CLGN: variants seen among roughly 807,000 people sequenced by gnomAD.
CLGN encodes calmegin.
CLGN carries 62 observed loss-of-function variants against 79.1 expected under a neutral mutation model. The ratio of observed to expected loss-of-function variants is 0.78; its 90% confidence interval spans 0.64 to 0.97. CLGN has a LOEUF of 0.97. Among genes scored for constraint, CLGN ranks in the 50% least tolerant of loss-of-function variants. The pLI, the probability that CLGN is intolerant of heterozygous loss-of-function variation, is 0.00. For missense variants in CLGN, 647 were observed against 715.5 expected (o/e 0.90, Z 1.09); for synonymous variants, 225 against 224.7 (o/e 1.00, Z -0.01).
intron 4 of CLGN, among the ~76,000 whole-genome samples, chr4:140,407,014 T>C (rs1398251395): frequency 1.3e-5 from 2 of 152,166 alleles, no homozygotes; most frequent in Non-Finnish European, 2.9e-5. Flanking sequence ...ATATCATTTT[T>C]TTTCTTTCTA....
In CLGN at chr4:140,394,048, G is replaced by T; in HGVS notation, c.1150-7C>A. 6.3e-7 allele frequency: 1 copy of T among 1,585,234 alleles called. No individual in the cohort carries two copies. The highest frequency in any genetic ancestry group is 1.7e-5 in the Admixed American group (1 of 58,968). On this transcript the variant is annotated splice_polypyrimidine_tract_variant and splice_region_variant and intron_variant, in intron 10 of 14. Transcript: ENST00000325617. ...TTCGAGGACTCCAGATTCCCTGGAA[G>T]AAAAGTAATTGAAGACATTTTCAAA...
At chr4:140,410,464 G>A (rs1729188894) in intron 3 of CLGN, 89 bp downstream of exon 3, 5 of 837,948 alleles carry the variant, frequency 6.0e-6, no homozygotes, top group African/African-American at 1.7e-5. Flanking sequence ...TTATAGATCT[G>A]TAGTAGAGAT....
At chr4:140,397,579 C>T (rs1170341452) in intron 8 of CLGN, among the ~76,000 whole-genome samples, 1 of 151,780 alleles carries the variant, frequency 6.6e-6, no homozygotes, top group Non-Finnish European at 1.5e-5. Flanking sequence ...ATTTTTAAAA[C>T]TCTCCTTATT....
rs536861220 is a variant in CLGN at position 140,398,668 on chromosome 4, TA to T, written c.884+182del. ...AATGCAACATAATTATCAATAGAAA[TA>T]AAAAAAAATTACAGGGAGGGAAGTG... On this transcript the variant is annotated intron_variant, in intron 8 of 14. Transcript: ENST00000325617. Among the ~76,000 whole-genome samples the T allele has an allele frequency of 2.3e-3, 347 of 151,056 alleles. 1 individual carries two copies. Among genetic ancestry groups the T allele is most frequent in the African/African-American group, 6.9e-3 (285 of 41,180 alleles).
intron 3 of CLGN, 86 bp from the exon 4 acceptor site, chr4:140,409,981 A>G (rs1301023851): frequency 1.2e-6 from 1 of 817,578 alleles, no homozygotes; most frequent in Non-Finnish European, 2.0e-6. Context: ...ACACAATAAA[A>G]GATCACCCAA....
chr4:140,396,228 T>C, intron 8 of CLGN, 23 bp from the exon 9 acceptor site: 1 of 1,526,910 alleles, frequency 6.5e-7, no homozygotes, highest in Non-Finnish European at 9.1e-7. Context: ...CGTTTTATAT[T>C]ACTAATTATT....
At chr4:140,397,937 T>C (rs1287126664) in intron 8 of CLGN, among the ~76,000 whole-genome samples, 5 of 152,026 alleles carry the variant, frequency 3.3e-5, no homozygotes, top group Admixed American at 3.3e-4. Context: ...AAACACTTAG[T>C]AAATTCTGAA....
intron 1 of CLGN, among the ~76,000 whole-genome samples, chr4:140,418,944 GAA>G (rs1729403268): frequency 6.6e-6 from 1 of 152,128 alleles, no homozygotes. Flanking sequence ...CAAAGACTTG[GAA>G]CCAACCCAAA....
intron 1 of CLGN, among the ~76,000 whole-genome samples, chr4:140,420,593 C>T (rs1002195300): frequency 7.3e-5 from 11 of 151,634 alleles, no homozygotes; most frequent in African/African-American, 1.2e-4. Context: ...ATACTTTCTG[C>T]GTAATGCTGC....
chr4:140,389,553 T>C (rs1341423239), intron 14 of CLGN, among the ~76,000 whole-genome samples: 1 of 151,796 alleles, frequency 6.6e-6, no homozygotes, highest in Admixed American at 6.6e-5. Context: ...TTTTCGAAGG[T>C]ACACAAAATA....
Position 140,424,895 on chromosome 4 carries a change from C to G in CLGN, c.-10+2642G>C, listed in dbSNP as rs529111804. 3.9e-5 allele frequency among the ~76,000 whole-genome samples: 6 copies of G among 152,274 alleles called. No homozygotes were observed. The East Asian group carries it at 1.2e-3, about 29-fold the overall frequency. ...CTTTATCCATGAATGAGATACCATT[C>G]TTCCCAATCTTTGAAATCTAGATCA... On this transcript the variant is annotated intron_variant, in intron 1 of 14. Transcript: ENST00000325617.
Position 140,392,677 on chromosome 4 carries a change from T to A in CLGN, c.1400A>T (p.Glu467Val), listed in dbSNP as rs1728797712. The A allele has an allele frequency of 5.6e-6, 9 of 1,609,254 alleles. No homozygotes were observed. Among genetic ancestry groups the A allele is most frequent in the Non-Finnish European group, 7.6e-6 (9 of 1,178,202 alleles). ...AATCAACCAAAGCCATGGGTGCCCT[T>A]CAGCAGCTGCCATTAACTGTTTTAA... ...GVLKQLMAAA[E>V]GHPWLWLIYL... The change falls in exon 12 of 15, where the codon GAA (glutamate) becomes GTA (valine). Residue 467 changes from glutamate to valine, a missense_variant. Transcript: ENST00000325617.
chr4:140,404,320 C>G (rs958449555), intron 5 of CLGN, among the ~76,000 whole-genome samples: 4 of 152,242 alleles, frequency 2.6e-5, no homozygotes, highest in South Asian at 2.1e-4. Flanking sequence ...GTCTTGATCT[C>G]CTGACCTCGT....
At chr4:140,413,910 A>T (rs1039225316) in intron 1 of CLGN, among the ~76,000 whole-genome samples, 2 of 152,260 alleles carry the variant, frequency 1.3e-5, no homozygotes, top group African/African-American at 4.8e-5. Context: ...GGCAGGGCAC[A>T]GACAAACAAA....
intron 10 of CLGN, among the ~76,000 whole-genome samples, chr4:140,395,052 C>A (rs745576048): frequency 1.3e-5 from 2 of 152,188 alleles, no homozygotes; most frequent in African/African-American, 2.4e-5. Context: ...TGGGGTGTGC[C>A]TGTAATCTCA....
intron 7 of CLGN, among the ~76,000 whole-genome samples, chr4:140,399,620 T>G (rs2567239): frequency 0.064 from 9,804 of 152,234 alleles, 396 homozygotes; most frequent in African/African-American, 0.11. Context: ...ATTGAAATAC[T>G]TTAATCTTGG....
In CLGN at chr4:140,399,004, T is replaced by C. The variant is rs201306926; in HGVS notation, c.731A>G (p.Asp244Gly). The C allele has an allele frequency of 2.5e-5, 40 of 1,613,784 alleles. No individual in the cohort carries two copies. The highest frequency in any genetic ancestry group is 3.3e-5 in the Admixed American group (2 of 59,992). ...GCTTCCTTTGTTTACAACTGTTTGA[T>C]CAACTAACACCTCAAATGTGTCATC... ...NPDDTFEVLV[D>G]QTVVNKGSLL... Residue 244 changes from aspartate (D) to glycine (G), a missense_variant, in exon 8 of 15, where the codon GAT (aspartate) becomes GGT (glycine). By Grantham distance (94) the Asp-to-Gly change is moderately conservative. Coordinates refer to ENST00000325617, the MANE Select transcript of CLGN (RefSeq NM_004362.3).
chr4:140,397,688 G>T (rs890269625), intron 8 of CLGN, among the ~76,000 whole-genome samples: 1 of 151,916 alleles, frequency 6.6e-6, no homozygotes, highest in Non-Finnish European at 1.5e-5. Context: ...GGAGGATCAC[G>T]AGATCGGGAG....
intron 5 of CLGN, among the ~76,000 whole-genome samples, chr4:140,402,511 T>C (rs73855796): frequency 0.018 from 2,757 of 152,132 alleles, 90 homozygotes; most frequent in African/African-American, 0.063. Flanking sequence ...ATACCTAGAG[T>C]TCATTACACC....
Sources: allele counts gnomAD v4.1 joint callset (sites outside exome capture counted in the v4.1 genomes callset), GRCh38; gene constraint gnomAD v4.1.1; transcripts MANE v1.5; gene names NCBI Gene and HGNC (gene_info 2026-07-23, HGNC 2026-07-21).